Variants in KDM4C observed in about 807,000 individuals in gnomAD.
KDM4C encodes the protein lysine-specific demethylase 4C.
A neutral mutation model predicts 129.3 loss-of-function variants in KDM4C; 81 were observed. That is an observed-to-expected ratio of 0.63 (90% CI 0.52 to 0.75). The LOEUF is 0.75. Among genes scored for constraint, KDM4C ranks in the 30% least tolerant of loss-of-function variants. The probability of loss-of-function intolerance (pLI) is 0.00; values close to 1 mark genes in which losing one functional copy is unlikely to be tolerated. For synonymous variants in KDM4C, 573 were observed against 456.1 expected (o/e 1.26, Z -3.26); for missense variants, 1,457 against 1,304.0 (o/e 1.12, Z -1.81).
In KDM4C at chr9:6,989,940, ATTT is replaced by A. The variant is rs5896173; in HGVS notation, c.1678-465_1678-463del. ...CAGGCATATGCCTCTATACCTGGCTATTTTTTTTTTTTTAAATTATTGACACAG... is the reference window on the plus strand; with the variant it reads ...CAGGCATATGCCTCTATACCTGGCTATTTTTTTTTTAAATTATTGACACAG... On this transcript the variant is annotated intron_variant, in intron 11 of 21. Coordinates refer to ENST00000381309, the MANE Select transcript of KDM4C (RefSeq NM_015061.6). Among the ~76,000 whole-genome samples, 77 of 148,456 alleles carry A rather than the reference ATTT, an allele frequency of 5.2e-4. 1 individual carries two copies. Among genetic ancestry groups the A allele is most frequent in the East Asian group, 4.6e-3 (23 of 5,048 alleles).
At chr9:7,060,136 A>G (rs953411766) in intron 17 of KDM4C, among the ~76,000 whole-genome samples, 5 of 151,496 alleles carry the variant, frequency 3.3e-5, no homozygotes, top group African/African-American at 1.2e-4. Context: ...TATCAGGTGG[A>G]AGGGAATAGT....
chr9:6,750,522 T>C (rs1173249666), intron 1 of KDM4C, among the ~76,000 whole-genome samples: 1 of 151,064 alleles, frequency 6.6e-6, no homozygotes, highest in Non-Finnish European at 1.5e-5. Context: ...GAAGTTGAAA[T>C]AGCCAAAACA....
chr9:6,869,267 A>T (rs1044442825), intron 5 of KDM4C, among the ~76,000 whole-genome samples: 1 of 152,168 alleles, frequency 6.6e-6, no homozygotes, highest in Non-Finnish European at 1.5e-5. Flanking sequence ...CATGAATGGC[A>T]TTAAGGGTGC....
intron 8 of KDM4C, among the ~76,000 whole-genome samples, chr9:6,967,903 A>G (rs1831284249): frequency 6.6e-6 from 1 of 152,226 alleles, no homozygotes; most frequent in Non-Finnish European, 1.5e-5. Context: ...TTTCATAAGT[A>G]AATGGTTCTT....
chr9:6,779,221 G>A (rs991825458), intron 1 of KDM4C, among the ~76,000 whole-genome samples: 2 of 149,806 alleles, frequency 1.3e-5, no homozygotes, highest in African/African-American at 2.5e-5. Context: ...GTAGAGATGG[G>A]GTTTCACCGT....
chr9:6,856,566 G>GTGTGTGTGTT (rs1554721101), intron 5 of KDM4C, among the ~76,000 whole-genome samples: 3 of 138,988 alleles, frequency 2.2e-5, no homozygotes, highest in African/African-American at 8.0e-5. Flanking sequence ...GTGTGTGTGT[G>GTGTGTGTGTT]TGTGTGTGTG....
intron 5 of KDM4C, among the ~76,000 whole-genome samples, chr9:6,850,454 A>AT (rs1026593848): frequency 4.7e-5 from 7 of 148,530 alleles, no homozygotes; most frequent in South Asian, 2.1e-4. Context: ...ATTTTATTTT[A>AT]TTTTTTTTTG....
At chr9:7,129,177 CTTT>C (rs2133356905) in intron 19 of KDM4C, among the ~76,000 whole-genome samples, 1 of 152,208 alleles carries the variant, frequency 6.6e-6, no homozygotes, top group South Asian at 2.1e-4. Context: ...TTTTCAGCGA[CTTT>C]TTAATAGTCA....
chr9:7,027,903 C>T (rs1288550650), intron 15 of KDM4C, among the ~76,000 whole-genome samples: 2 of 152,206 alleles, frequency 1.3e-5, no homozygotes, highest in Non-Finnish European at 2.9e-5. Flanking sequence ...TACTGCTGGG[C>T]TACCACCAAT....
At chr9:6,785,329 TCTC>T (rs1386800632) in intron 1 of KDM4C, among the ~76,000 whole-genome samples, 1 of 148,668 alleles carries the variant, frequency 6.7e-6, no homozygotes, top group Non-Finnish European at 1.5e-5. Flanking sequence ...GTCTGTCTCT[TCTC>T]CTCTTCCTCT....
intron 12 of KDM4C, among the ~76,000 whole-genome samples, chr9:6,991,008 T>A (rs1818640927): frequency 6.6e-6 from 1 of 152,210 alleles, no homozygotes; most frequent in Non-Finnish European, 1.5e-5. Context: ...ATCGCTGTGA[T>A]GCAGCTGGAT....
In KDM4C at chr9:7,156,094, C is replaced by T. The variant is rs527721505; in HGVS notation, c.2782-9144C>T. Among the ~76,000 whole-genome samples, 6 of 152,306 alleles carry T rather than the reference C, an allele frequency of 3.9e-5. No homozygotes were observed. The East Asian group carries it at 9.6e-4, about 24-fold the overall frequency. On this transcript the variant is annotated intron_variant, in intron 19 of 21. Transcript: ENST00000381309. The stretch of plus-strand genomic sequence containing the variant: ...TATCTTGTGGTTTTGATTTGCATTT[C>T]TCTGATGACCAGTCATGATGAGCAT...
At chr9:6,858,775 C>A (rs1366948201) in intron 5 of KDM4C, among the ~76,000 whole-genome samples, 30 of 150,128 alleles carry the variant, frequency 2.0e-4, no homozygotes, top group African/African-American at 6.3e-4. Context: ...GTCTCCCCCC[C>A]CGGCAAAAAA....
chr9:7,000,311 G>A (rs1820500159), intron 12 of KDM4C, among the ~76,000 whole-genome samples: 1 of 152,044 alleles, frequency 6.6e-6, no homozygotes, highest in Non-Finnish European at 1.5e-5. Flanking sequence ...CAAAAATGCT[G>A]GCTTTATAAT....
At chr9:7,014,066 C>CT (rs1823200000) in intron 14 of KDM4C, 65 bp downstream of exon 14, 8 of 1,369,808 alleles carry the variant, frequency 5.8e-6, no homozygotes, top group Non-Finnish European at 7.1e-6. Flanking sequence ...TTATTTCTCA[C>CT]TTTTTTGGAA....
At chr9:6,787,767 A>G (rs189634726) in intron 1 of KDM4C, among the ~76,000 whole-genome samples, 157 of 152,324 alleles carry the variant, frequency 1.0e-3, no homozygotes, top group Middle Eastern at 3.4e-3. Flanking sequence ...GTGATTTACA[A>G]TATGTGAGCC....
Position 7,122,239 on chromosome 9 carries a change from C to CCACACACACACA in KDM4C, c.2611-5811_2611-5800dup, listed in dbSNP as rs147638679. On this transcript the variant is annotated intron_variant, in intron 18 of 21. Coordinates refer to ENST00000381309, the MANE Select transcript of KDM4C (RefSeq NM_015061.6). ...GAGGAAGAGATAGCAGTGGGAGATG[C>CCACACACACACA]CACACACACACACACACACACACAC... Among the ~76,000 whole-genome samples, 28 of 144,362 alleles carry CCACACACACACA rather than the reference C, an allele frequency of 1.9e-4. 1 individual carries two copies. Among genetic ancestry groups the CCACACACACACA allele is most frequent in the East Asian group, 1.0e-3 (5 of 4,824 alleles). The allele number at this position is 144,362 out of a possible 152,430, so 94.7% of individuals were successfully genotyped here.
At position 7,074,650 on chromosome 9, in the gene KDM4C, G is replaced by C. The variant is rs182506865; in HGVS notation, c.2424+25450G>C. ...TGCATATATTTTTGCAATATTCCAGGCATCTTATTAAATTCAGATTTAGCA... is the reference window on the plus strand; with the variant it reads ...TGCATATATTTTTGCAATATTCCAGCCATCTTATTAAATTCAGATTTAGCA... On this transcript the variant is annotated intron_variant, in intron 17 of 21. Transcript: ENST00000381309. Among the ~76,000 whole-genome samples the C allele has an allele frequency of 3.3e-3, 502 of 152,152 alleles. 1 individual carries two copies. The highest frequency in any genetic ancestry group is 0.013 in the South Asian group (63 of 4,820).
chr9:6,994,261 A>T (rs1056025224), intron 12 of KDM4C, among the ~76,000 whole-genome samples: 1 of 152,046 alleles, frequency 6.6e-6, no homozygotes, highest in Non-Finnish European at 1.5e-5. Flanking sequence ...GACTGGTACT[A>T]TTCTATATCC....
Sources: allele counts gnomAD v4.1 joint callset (sites outside exome capture counted in the v4.1 genomes callset), GRCh38; gene constraint gnomAD v4.1.1; transcripts MANE v1.5; gene names NCBI Gene and HGNC (gene_info 2026-07-23, HGNC 2026-07-21).